The following ANLN variants were observed in gnomAD, a reference collection of about 807,000 sequenced individuals.
ANLN encodes anillin, actin binding protein.
ANLN carries 59 observed loss-of-function variants against 135.1 expected under a neutral mutation model. That is an observed-to-expected ratio of 0.44 (90% CI 0.35 to 0.54). ANLN has a LOEUF of 0.54. ANLN is among the 20% of genes least tolerant of loss of function. The pLI is 0.00. For synonymous variants in ANLN, 406 were observed against 456.4 expected (o/e 0.89, Z 1.41); for missense variants, 1,182 against 1,340.0 (o/e 0.88, Z 1.84).
chr7:36,427,752 G>GA (rs1788145837), intron 20 of ANLN, among the ~76,000 whole-genome samples: 2 of 152,132 alleles, frequency 1.3e-5, no homozygotes, highest in Admixed American at 6.6e-5. Context: ...AAGTACTTAC[G>GA]AATCTAAGAG....
intron 20 of ANLN, among the ~76,000 whole-genome samples, chr7:36,429,286 T>A (rs1208592575): frequency 6.6e-6 from 1 of 152,154 alleles, no homozygotes; most frequent in Admixed American, 6.5e-5. Flanking sequence ...AGTGGCACGA[T>A]CTCGGCTCAC....
chr7:36,404,683 T>C (rs933290396), intron 3 of ANLN, among the ~76,000 whole-genome samples: 1 of 152,212 alleles, frequency 6.6e-6, no homozygotes, highest in Non-Finnish European at 1.5e-5. Flanking sequence ...ATATCTGAAT[T>C]GCCAGCACCA....
chr7:36,421,631 ATGAAT>A (rs1787879698), intron 12 of ANLN, among the ~76,000 whole-genome samples: 1 of 152,070 alleles, frequency 6.6e-6, no homozygotes. Context: ...TTTAATAAGT[ATGAAT>A]TGGAAGTTTT....
At chr7:36,443,717 C>A in intron 21 of ANLN, 38 bp from the exon 22 acceptor site, 1 of 1,427,800 alleles carries the variant, frequency 7.0e-7, no homozygotes, top group East Asian at 2.3e-5. Flanking sequence ...ACATTTTCCT[C>A]AACTTTCTAA....
intron 9 of ANLN, among the ~76,000 whole-genome samples, chr7:36,418,035 A>G (rs933585173): frequency 1.3e-5 from 2 of 152,118 alleles, no homozygotes; most frequent in Non-Finnish European, 2.9e-5. Context: ...CCCCCTCTTT[A>G]GCTTGGATTA....
At chr7:36,444,666 T>C (rs1198332879) in intron 22 of ANLN, among the ~76,000 whole-genome samples, 1 of 152,180 alleles carries the variant, frequency 6.6e-6, no homozygotes, top group East Asian at 1.9e-4. Flanking sequence ...AAAATAGAAA[T>C]AAGCAGAATT....
chr7:36,405,096 A>G (rs1281643261), intron 3 of ANLN, among the ~76,000 whole-genome samples: 1 of 152,202 alleles, frequency 6.6e-6, no homozygotes, highest in Non-Finnish European at 1.5e-5. Context: ...TCTCATTATA[A>G]TGTATTTTTA....
At chr7:36,407,998 C>A in intron 5 of ANLN, 42 bp downstream of exon 5, 1 of 1,415,296 alleles carries the variant, frequency 7.1e-7, no homozygotes, top group South Asian at 1.2e-5. Context: ...TGATTATATT[C>A]AGGATATCTA....
At chr7:36,422,384 G>A (rs908537268) in intron 13 of ANLN, among the ~76,000 whole-genome samples, 6 of 151,954 alleles carry the variant, frequency 3.9e-5, no homozygotes, top group African/African-American at 1.5e-4. Flanking sequence ...GTGATGATGG[G>A]GCATTTTGGG....
intron 20 of ANLN, among the ~76,000 whole-genome samples, chr7:36,429,491 G>C (rs1047382574): frequency 3.9e-5 from 6 of 152,186 alleles, no homozygotes; most frequent in African/African-American, 1.4e-4. Context: ...AAAGTGCTGG[G>C]ATTACAGGAG....
In ANLN at chr7:36,410,566, A is replaced by G. The variant is rs202034251; in HGVS notation, c.1149A>G (p.Glu383=). ...FLERFGERCQ[E]HSKESPARST... ...AACGCTTTGGAGAGCGTTGTCAAGA[A>G]CATAGCAAAGAAAGTCCAGCTCGTA... The change falls in exon 6 of 24, where the codon GAA becomes GAG. Residue 383 remains glutamate, a synonymous_variant. Transcript: ENST00000265748. The G allele has an allele frequency of 2.8e-4, 457 of 1,614,096 alleles. 3 individuals are homozygous for G. The East Asian group carries it at 9.6e-3, about 34-fold the overall frequency.
At chr7:36,439,962 C>T (rs1242059467) in intron 21 of ANLN, among the ~76,000 whole-genome samples, 1 of 152,220 alleles carries the variant, frequency 6.6e-6, no homozygotes, top group Non-Finnish European at 1.5e-5. Context: ...AATTATCCAA[C>T]TTGGGATTGA....
chr7:36,415,653 T>A, intron 7 of ANLN, 105 bp from the exon 8 acceptor site: 2 of 1,272,930 alleles, frequency 1.6e-6, no homozygotes, highest in African/African-American at 3.0e-5. Context: ...TAAGGAAACT[T>A]ATACAGAATA....
chr7:36,405,953 G>GA (rs1188940858), intron 3 of ANLN, among the ~76,000 whole-genome samples: 3 of 151,860 alleles, frequency 2.0e-5, no homozygotes, highest in Non-Finnish European at 4.4e-5. Flanking sequence ...TTGAAAAATG[G>GA]AAAAAATAGA....
intron 20 of ANLN, among the ~76,000 whole-genome samples, chr7:36,431,559 G>A (rs1788310911): frequency 1.4e-5 from 1 of 72,390 alleles, no homozygotes; most frequent in East Asian, 5.3e-4. Flanking sequence ...ATATGTGTGT[G>A]TTTGTGTGTG....
intron 4 of ANLN, among the ~76,000 whole-genome samples, chr7:36,407,051 G>T (rs1259344320): frequency 6.6e-6 from 1 of 152,144 alleles, no homozygotes; most frequent in Non-Finnish European, 1.5e-5. Flanking sequence ...CTTTGTGCAT[G>T]TGTTACCTCA....
rs1314256727 is a variant in ANLN at position 36,415,798 on chromosome 7, G to T, written c.1436G>T (p.Gly479Val). The T allele has an allele frequency of 1.2e-6, 2 of 1,608,212 alleles. No homozygotes were observed. Among genetic ancestry groups the T allele is most frequent in the African/African-American group, 2.7e-5 (2 of 74,708 alleles). The change falls in exon 8 of 24, where the codon GGT becomes GTT. Residue 479 changes from glycine (G) to valine (V), a missense_variant. Around this residue, in one of 3 missense-constraint regions of ANLN, gnomAD observed 1,022 missense variants for 1,134.0 expected, o/e 0.90. Transcript: ENST00000265748. ...CQSTPLKKHQGVSKTQSLPVT... is the reference protein window; with the variant it reads ...CQSTPLKKHQVVSKTQSLPVT... ...AGCACTCCCCTCAAAAAACACCAAG[G>T]TGTTTCAAAAACTCAGTCACTTCCA...
chr7:36,437,087 G>A (rs767949438), intron 20 of ANLN, among the ~76,000 whole-genome samples: 3 of 152,114 alleles, frequency 2.0e-5, no homozygotes, highest in Non-Finnish European at 4.4e-5. Context: ...CAGATCTATA[G>A]AATTTTCTTC....
chr7:36,426,655 CG>C (rs1562808277), intron 19 of ANLN, among the ~76,000 whole-genome samples: 1 of 152,048 alleles, frequency 6.6e-6, no homozygotes, highest in African/African-American at 2.4e-5. Flanking sequence ...TGTTTTTTAT[CG>C]GGAAGTTGCT....
Sources: gnomAD v4.1 joint callset for allele counts (sites outside exome capture counted in the v4.1 genomes callset) on GRCh38, gnomAD v4.1.1 for gene constraint, gnomAD v4.1.1 regional missense constraint, MANE v1.5 for transcripts, NCBI Gene and HGNC (gene_info 2026-07-23, HGNC 2026-07-21) for gene names.